ST6GALNAC3: variants seen among roughly 807,000 people sequenced by gnomAD.
ST6GALNAC3 encodes alpha-N-acetylgalactosaminide alpha-2,6-sialyltransferase 3.
In ST6GALNAC3, 25 loss-of-function variants were observed where a neutral mutation model predicts 32.7. That is an observed-to-expected ratio of 0.76 (90% CI 0.56 to 1.07). ST6GALNAC3 has a LOEUF of 1.07. Ranked by LOEUF, ST6GALNAC3 falls within the 50% of genes least tolerant of loss-of-function variation. The pLI is 0.00. For synonymous variants in ST6GALNAC3, 129 were observed against 133.1 expected, an observed-to-expected ratio of 0.97 and a Z score of 0.21; for missense variants, 355 against 382.4, an observed-to-expected ratio of 0.93 and a Z score of 0.60.
At chr1:76,563,838 T>C (rs896620378) in intron 3 of ST6GALNAC3, among the ~76,000 whole-genome samples, 20 of 152,222 alleles carry the variant, frequency 1.3e-4, no homozygotes, top group African/African-American at 4.8e-4. Flanking sequence ...GTGTAGGTTC[T>C]TTCTCCCTTC....
intron 3 of ST6GALNAC3, among the ~76,000 whole-genome samples, chr1:76,483,663 C>T (rs1659891960): frequency 6.6e-6 from 1 of 152,070 alleles, no homozygotes; most frequent in African/African-American, 2.4e-5. Context: ...TTCTTCCATT[C>T]TGTAGGTTGC....
chr1:76,541,316 G>A (rs1295035061), intron 3 of ST6GALNAC3, among the ~76,000 whole-genome samples: 7 of 152,122 alleles, frequency 4.6e-5, no homozygotes, highest in Admixed American at 4.6e-4. Flanking sequence ...AGAGAACAGT[G>A]AAGAGGGTAT....
intron 1 of ST6GALNAC3, among the ~76,000 whole-genome samples, chr1:76,098,572 T>C (rs766690487): frequency 1.8e-4 from 28 of 151,992 alleles, no homozygotes; most frequent in Non-Finnish European, 2.9e-4. Flanking sequence ...GAATATCTTC[T>C]TGTGTGAACT....
intron 1 of ST6GALNAC3, among the ~76,000 whole-genome samples, chr1:76,224,869 C>T (rs1279798522): frequency 6.6e-6 from 1 of 152,050 alleles, no homozygotes; most frequent in Admixed American, 6.6e-5. Flanking sequence ...GAGTTGTGGT[C>T]CCCCGGAGAT....
At position 76,613,327 on chromosome 1, in the gene ST6GALNAC3, A is replaced by T. The variant is rs571244065; in HGVS notation, c.624-14125A>T. On this transcript the variant is annotated intron_variant, in intron 3 of 4. Coordinates refer to ENST00000328299, the MANE Select transcript of ST6GALNAC3 (RefSeq NM_152996.4). ...TGCCATTTTTTGGAGCTTCCTCTTC[A>T]TTTATTCTCCTTCCTGTGGCATACT... is the stretch of plus-strand genomic sequence containing the variant. Among the ~76,000 whole-genome samples, 124 of 152,220 alleles carry T rather than the reference A, an allele frequency of 8.1e-4. No homozygotes were observed. The South Asian group carries it at 8.7e-3, about 11-fold the overall frequency.
At chr1:76,296,600 C>T (rs1472554708) in intron 1 of ST6GALNAC3, among the ~76,000 whole-genome samples, 1 of 151,964 alleles carries the variant, frequency 6.6e-6, no homozygotes, top group Non-Finnish European at 1.5e-5. Context: ...CTTAGAAACC[C>T]CAAATGTCCA....
chr1:76,198,236 A>G (rs929533725), intron 1 of ST6GALNAC3, among the ~76,000 whole-genome samples: 2 of 152,090 alleles, frequency 1.3e-5, no homozygotes, highest in Non-Finnish European at 2.9e-5. Flanking sequence ...AAGTCTTGCT[A>G]TGCTTCCCAG....
chr1:76,083,014 CT>C (rs1320657667), intron 1 of ST6GALNAC3, among the ~76,000 whole-genome samples: 1 of 152,116 alleles, frequency 6.6e-6, no homozygotes, highest in Non-Finnish European at 1.5e-5. Context: ...GAAGGGACTT[CT>C]CTCTGATTTC....
intron 1 of ST6GALNAC3, among the ~76,000 whole-genome samples, chr1:76,115,410 A>G (rs1281254976): frequency 6.6e-6 from 1 of 152,176 alleles, no homozygotes; most frequent in Non-Finnish European, 1.5e-5. Flanking sequence ...AATTTACTAC[A>G]TGCCAATCAT....
At chr1:76,501,333 C>T (rs2101725760) in intron 3 of ST6GALNAC3, among the ~76,000 whole-genome samples, 1 of 152,298 alleles carries the variant, frequency 6.6e-6, no homozygotes, top group Non-Finnish European at 1.5e-5. Flanking sequence ...ATTTGTAAAT[C>T]CTGAAATTGT....
chr1:76,387,228 G>C (rs1017046786), intron 2 of ST6GALNAC3, among the ~76,000 whole-genome samples: 3 of 152,050 alleles, frequency 2.0e-5, no homozygotes, highest in African/African-American at 7.2e-5. Context: ...GCTGTGGGAG[G>C]TGTTCTTTTA....
chr1:76,430,541 A>G (rs539997249), intron 3 of ST6GALNAC3, among the ~76,000 whole-genome samples: 1 of 152,250 alleles, frequency 6.6e-6, no homozygotes, highest in South Asian at 2.1e-4. Context: ...CTCTTGTCAA[A>G]TAAATCATTT....
At chr1:76,164,019 G>C (rs1021957525) in intron 1 of ST6GALNAC3, among the ~76,000 whole-genome samples, 1 of 152,270 alleles carries the variant, frequency 6.6e-6, no homozygotes, top group South Asian at 2.1e-4. Context: ...TGGATTTGTT[G>C]AGGAGTTCCC....
At chr1:76,374,673 T>A (rs7340082) in intron 2 of ST6GALNAC3, among the ~76,000 whole-genome samples, 43,188 of 152,088 alleles carry the variant, frequency 0.28, 7,339 homozygotes, top group East Asian at 0.6. Flanking sequence ...CATGCATTTA[T>A]AAATTACTTG....
intron 1 of ST6GALNAC3, among the ~76,000 whole-genome samples, chr1:76,270,989 C>A (rs1658813966): frequency 1.3e-5 from 2 of 152,140 alleles, no homozygotes; most frequent in Admixed American, 1.3e-4. Context: ...ACAACGGGCT[C>A]AAAGAACATA....
chr1:76,335,981 G>GA (rs906029955), intron 2 of ST6GALNAC3, among the ~76,000 whole-genome samples: 1 of 152,172 alleles, frequency 6.6e-6, no homozygotes, highest in African/African-American at 2.4e-5. Flanking sequence ...TGCCACAGCT[G>GA]AAAAAAGTGC....
chr1:76,525,791 G>GTGTATATATATATATA lies in ST6GALNAC3; in HGVS notation c.624-101660_624-101659insGTATATATATATATAT, dbSNP rs1438917629. On this transcript the variant is annotated intron_variant, in intron 3 of 4. Coordinates refer to ENST00000328299, the MANE Select transcript of ST6GALNAC3 (RefSeq NM_152996.4). ...TGTGTTTGTGTGTGTGTGTGTGTGT[G>GTGTATATATATATATA]TATATATATATATATATATATATAT... 4.4e-3 allele frequency among the ~76,000 whole-genome samples: 329 copies of GTGTATATATATATATA among 75,426 alleles called. 9 individuals are homozygous for GTGTATATATATATATA. The highest frequency in any genetic ancestry group is 7.2e-3 in the Non-Finnish European group (238 of 32,958). 49.5% of individuals were successfully genotyped at this position (75,426 alleles called of 152,430 possible).
At chr1:76,310,611 G>C (rs1369572508) in intron 1 of ST6GALNAC3, among the ~76,000 whole-genome samples, 3 of 152,166 alleles carry the variant, frequency 2.0e-5, no homozygotes, top group Non-Finnish European at 4.4e-5. Context: ...GGAGGATACA[G>C]GAACTGCCTT....
chr1:76,476,317 C>T (rs185507054), intron 3 of ST6GALNAC3, among the ~76,000 whole-genome samples: 1 of 152,078 alleles, frequency 6.6e-6, no homozygotes, highest in African/African-American at 2.4e-5. Flanking sequence ...TTCTTACAAC[C>T]CTTTTAAATG....
Sources: gnomAD v4.1 joint callset for allele counts (sites outside exome capture counted in the v4.1 genomes callset) on GRCh38, gnomAD v4.1.1 for gene constraint, MANE v1.5 for transcripts, NCBI Gene and HGNC (gene_info 2026-07-23, HGNC 2026-07-21) for gene names.